Variants in SPEG observed in about 807,000 individuals in gnomAD.
The protein encoded by SPEG is striated muscle enriched protein kinase.
Under a neutral mutation model 300.4 loss-of-function variants are expected in SPEG, and 114 were observed. The ratio of observed to expected loss-of-function variants is 0.38; its 90% CI spans 0.33 to 0.44. The LOEUF is 0.44. SPEG is among the 20% of genes least tolerant of loss of function. The pLI, the probability that SPEG is intolerant of heterozygous loss-of-function variation, is 1.00. For missense variants in SPEG, 4,201 were observed against 4,586.2 expected (o/e 0.92, Z 2.43); for synonymous variants, 1,964 against 2,018.9 (o/e 0.97, Z 0.73).
intron 6 of SPEG, chr2:219,460,845 A>G: frequency 1.0e-6 from 1 of 985,844 alleles, no homozygotes; most frequent in Non-Finnish European, 1.2e-6. Context: ...GGGTCAGCCG[A>G]GTGAGTGGGG....
intron 31 of SPEG, among the ~76,000 whole-genome samples, 171 bp downstream of exon 31, chr2:219,485,648 A>G (rs1270248591): frequency 6.6e-6 from 1 of 152,242 alleles, no homozygotes; most frequent in Non-Finnish European, 1.5e-5. Flanking sequence ...AGATAAGCTG[A>G]GTGTTCTATT....
At chr2:219,453,371 G>A (rs947295732) in intron 6 of SPEG, among the ~76,000 whole-genome samples, 9 of 152,260 alleles carry the variant, frequency 5.9e-5, no homozygotes, top group South Asian at 2.1e-4. Flanking sequence ...GGATGAAAGC[G>A]AATGTGTGAA....
Position 219,461,783 on chromosome 2 carries a change from G to A in SPEG, c.2441-99G>A, listed in dbSNP as rs1310966627. 37 of 1,281,588 alleles carry A rather than the reference G, an allele frequency of 2.9e-5. No homozygotes were observed. The East Asian group carries it at 8.7e-4, about 30-fold the overall frequency. 79.4% of individuals were successfully genotyped at this position (1,281,588 alleles called of 1,614,324 possible). On this transcript the variant is annotated intron_variant, in intron 6 of 40. Coordinates refer to ENST00000312358, the MANE Select transcript of SPEG (RefSeq NM_005876.5). The stretch of plus-strand genomic sequence containing the variant: ...AGTCAGGGCAGGGCCGGCCTGCGGG[G>A]AGCTGCCGCAACTCCTGGGCTCTGG...
intron 8 of SPEG, among the ~76,000 whole-genome samples, chr2:219,462,921 A>T (rs1028393635): frequency 6.6e-6 from 1 of 152,198 alleles, no homozygotes; most frequent in Non-Finnish European, 1.5e-5. Context: ...CTGTCTCAAA[A>T]ATAAAAATAC....
chr2:219,477,602 T>C lies in SPEG; in HGVS notation c.4730-87T>C. Reference sequence around the variant, plus strand: ...GCCCCCAACATTCTTGCACCTCTTCTCTCTTCTTCTTCTGTCCACCTGTCC... The same window carrying C: ...GCCCCCAACATTCTTGCACCTCTTCCCTCTTCTTCTTCTGTCCACCTGTCC... On this transcript the variant is annotated intron_variant, in intron 20 of 40. Transcript: ENST00000312358. This position sits in a 1 kb window ranked among gnomAD's most constrained non-coding sequence, Gnocchi z 6.4. The C allele has an allele frequency of 2.1e-6, 3 of 1,399,328 alleles. No individual in the cohort carries two copies. Among genetic ancestry groups the C allele is most frequent in the Non-Finnish European group, 2.9e-6 (3 of 1,025,380 alleles). 86.7% of individuals were successfully genotyped at this position (1,399,328 alleles called of 1,614,324 possible). A position where few individuals can be genotyped will look rare whatever the true frequency, so the allele number is the denominator to read the frequency against.
Position 219,464,793 on chromosome 2 carries a change from A to G in SPEG, c.2881+185A>G, listed in dbSNP as rs1177184896. On this transcript the variant is annotated intron_variant, in intron 9 of 40. Transcript: ENST00000312358. This position sits in a 1 kb window ranked among gnomAD's most constrained non-coding sequence, Gnocchi z 4.5. ...CCAGAGACAGGAAGTGACCTGCCCA[A>G]AGCTGCACAGCACATTGTTCCGTGC... The G allele has an allele frequency of 2.2e-5, 13 of 598,426 alleles. No individual in the cohort carries two copies. The highest frequency in any genetic ancestry group is 4.4e-4 in the Middle Eastern group (1 of 2,282). The allele number at this position is 598,426 out of a possible 1,614,324, so 37.1% of individuals were successfully genotyped here.
In SPEG at chr2:219,439,639, T is replaced by C. The variant is rs1954806242; in HGVS notation, c.388+4274T>C. On this transcript the variant is annotated intron_variant, in intron 1 of 40. Transcript: ENST00000312358. The surrounding 1 kb of genome is among the most constrained non-coding windows in gnomAD (Gnocchi z 4.5). ...CAGCTGCCCAGCTATGGGAGAAAAATGGGGCAATCTGGGGCCAGCTGGGGA... is the reference window on the plus strand; with the variant it reads ...CAGCTGCCCAGCTATGGGAGAAAAACGGGGCAATCTGGGGCCAGCTGGGGA... Among the ~76,000 whole-genome samples the C allele has an allele frequency of 6.6e-6, 1 of 151,540 alleles. No individual in the cohort carries two copies. Among genetic ancestry groups the C allele is most frequent in the South Asian group, 2.1e-4 (1 of 4,790 alleles).
chr2:219,453,288 G>A (rs1024086780), intron 6 of SPEG, among the ~76,000 whole-genome samples: 2 of 152,254 alleles, frequency 1.3e-5, no homozygotes, highest in African/African-American at 4.8e-5. Context: ...TGAGAGTTCT[G>A]TATTTGCGGC....
rs1210377285 is a variant in SPEG, at chr2:219,444,232, C to T, written c.389-421C>T. ...CTGGCAGTACGACTCTGAGGTGACT[C>T]CTCTTTGTTCCTGGGGTACTGGAAC... On this transcript the variant is annotated intron_variant, in intron 1 of 40. Coordinates refer to ENST00000312358, the MANE Select transcript of SPEG (RefSeq NM_005876.5). This position sits in a 1 kb window ranked among gnomAD's most constrained non-coding sequence, Gnocchi z 7.8. 6.6e-6 allele frequency among the ~76,000 whole-genome samples: 1 copy of T among 152,140 alleles called. No individual in the cohort carries two copies. The highest frequency in any genetic ancestry group is 1.5e-5 in the Non-Finnish European group (1 of 68,038).
In SPEG at chr2:219,483,690, G is replaced by A. The variant is rs1404227254; in HGVS notation, c.6227G>A (p.Arg2076Gln). Residue 2076 changes from arginine to glutamine, a missense_variant, in exon 30 of 41, where the codon CGG (arginine) becomes CAG (glutamine). Transcript: ENST00000312358. ...RLQALRQRLL[R>Q]GGPEDGKVSG... ...CAGGCCCTGCGCCAGCGGCTGCTGC[G>A]GGGAGGCCCCGAGGATGGCAAGGTC... The A allele has an allele frequency of 2.0e-6, 3 of 1,533,764 alleles. No homozygotes were observed. Among genetic ancestry groups the A allele is most frequent in the East Asian group, 2.5e-5 (1 of 40,784 alleles).
Position 219,489,919 on chromosome 2 carries a change from C to T in SPEG, c.8901C>T (p.Thr2967=). The T allele has an allele frequency of 6.3e-7, 1 of 1,576,432 alleles. No homozygotes were observed. Among genetic ancestry groups the T allele is most frequent in the Non-Finnish European group, 8.6e-7 (1 of 1,156,312 alleles). The change falls in exon 36 of 41, where the codon ACC becomes ACT. Residue 2967 remains threonine, a synonymous_variant. Transcript: ENST00000312358. The stretch of plus-strand genomic sequence containing the variant: ...AGGGTCCCCCTCAGAAACCCTACAC[C>T]TTCCTGGAGGAGAAAGCCAGGCAAG... ...LRQGPPQKPY[T]FLEEKARGRF...
At chr2:219,442,338 C>T (rs1688983309) in intron 1 of SPEG, among the ~76,000 whole-genome samples, 3 of 152,036 alleles carry the variant, frequency 2.0e-5, no homozygotes, top group African/African-American at 7.2e-5. Flanking sequence ...CCGCGACCAC[C>T]GGGGAAGGCC....
chr2:219,465,926 C>CGTGT (rs1553611629), intron 9 of SPEG: 8 of 217,472 alleles, frequency 3.7e-5, no homozygotes, highest in African/African-American at 3.0e-4. Context: ...TGTGTGTGCG[C>CGTGT]GCGTGTGCGT....
chr2:219,465,880 C>T (rs1002680859), intron 9 of SPEG: 31 of 628,720 alleles, frequency 4.9e-5, no homozygotes, highest in South Asian at 9.2e-5. Flanking sequence ...TGTGTGCGTG[C>T]GTGTGCATGT....
Position 219,445,109 on chromosome 2 carries a change from C to A in SPEG, c.763C>A (p.Leu255Met). The A allele has an allele frequency of 6.3e-7, 1 of 1,598,640 alleles. No homozygotes were observed. Among genetic ancestry groups the A allele is most frequent in the Non-Finnish European group, 8.5e-7 (1 of 1,173,068 alleles). Residue 255 changes from leucine to methionine, a missense_variant, in exon 3 of 41, where the codon CTG (leucine) becomes ATG (methionine). Leu to Met is a conservative substitution (Grantham distance 15). This residue lies in a region of SPEG where 1,258 missense variants were observed against 1,293.9 expected (regional missense o/e 0.97). Coordinates refer to ENST00000312358, the MANE Select transcript of SPEG (RefSeq NM_005876.5). The surrounding 1 kb of genome is among the most constrained non-coding windows in gnomAD (Gnocchi z 6.1). ...GGATAGCCTTTCCGTGGCCAGTGACCTGTACGGCAGCGCATTCAGCCTGTA... is the reference window on the plus strand; with the variant it reads ...GGATAGCCTTTCCGTGGCCAGTGACATGTACGGCAGCGCATTCAGCCTGTA... ...SEDSLSVASD[L>M]YGSAFSLYRG...
rs766833830 is a variant in SPEG at position 219,477,896 on chromosome 2, G to A, written c.4827-9G>A. 8 of 1,613,172 alleles carry A rather than the reference G, an allele frequency of 5.0e-6. No homozygotes were observed. Among genetic ancestry groups the A allele is most frequent in the Non-Finnish European group, 6.8e-6 (8 of 1,179,278 alleles). ...GGCTGATCTCTGACCCCCTCCCTGT[G>A]TCAACCAGGGGTGCTTTCTCCTACT... is the stretch of plus-strand genomic sequence containing the variant. On this transcript the variant is annotated splice_polypyrimidine_tract_variant and intron_variant, in intron 21 of 40. Coordinates refer to ENST00000312358, the MANE Select transcript of SPEG (RefSeq NM_005876.5). The surrounding 1 kb of genome is among the most constrained non-coding windows in gnomAD (Gnocchi z 6.4).
In SPEG at chr2:219,435,154, C is replaced by A; in HGVS notation, c.177C>A (p.Asp59Glu). The A allele has an allele frequency of 1.4e-6, 2 of 1,467,944 alleles. No homozygotes were observed. The highest frequency in any genetic ancestry group is 1.8e-6 in the Non-Finnish European group (2 of 1,119,456). The allele number at this position is 1,467,944 out of a possible 1,614,324, so 90.9% of individuals were successfully genotyped here. A position where few individuals can be genotyped will look rare whatever the true frequency, so the allele number is the denominator to read the frequency against. ...LKNAAVCAGS[D>E]VRLRVVVSGT... The stretch of plus-strand genomic sequence containing the variant: ...ACGCGGCGGTGTGCGCGGGCAGCGA[C>A]GTGCGGCTGCGGGTGGTGGTGAGCG... Residue 59 changes from aspartate to glutamate, a missense_variant, in exon 1 of 41, where the codon GAC becomes GAA. This residue lies in a region of SPEG where 1,258 missense variants were observed against 1,293.9 expected (regional missense o/e 0.97). Coordinates refer to ENST00000312358, the MANE Select transcript of SPEG (RefSeq NM_005876.5).
intron 7 of SPEG, 103 bp from the exon 8 acceptor site, chr2:219,462,195 T>C: frequency 8.3e-7 from 1 of 1,203,746 alleles, no homozygotes; most frequent in Non-Finnish European, 1.2e-6. Flanking sequence ...CCAGAGCCAG[T>C]CTCAGCCTGG....
At chr2:219,476,044 G>A (rs6706882) in intron 18 of SPEG, among the ~76,000 whole-genome samples, 4,089 of 151,464 alleles carry the variant, frequency 0.027, 85 homozygotes, top group Middle Eastern at 0.085. Context: ...GTGGGGGCTG[G>A]CGGGGGACAC....
Sources: gnomAD v4.1 joint callset for allele counts (sites outside exome capture counted in the v4.1 genomes callset) on GRCh38, gnomAD v4.1.1 for gene constraint, gnomAD v4.1.1 regional missense constraint, Gnocchi (gnomAD v3.1) non-coding constraint, MANE v1.5 for transcripts, NCBI Gene and HGNC (gene_info 2026-07-23, HGNC 2026-07-21) for gene names.